Variants in MAGI1 observed in about 807,000 individuals in gnomAD.
MAGI1 encodes the protein membrane-associated guanylate kinase, WW and PDZ domain-containing protein 1.
Under a neutral mutation model 139.9 loss-of-function variants are expected in MAGI1, and 58 were observed. That is an observed-to-expected ratio of 0.41 (90% CI 0.34 to 0.52). The LOEUF (loss-of-function observed/expected upper bound fraction) is 0.52. Ranked by LOEUF, MAGI1 falls within the 20% of genes least tolerant of loss-of-function variation. The pLI is 0.12. For missense variants in MAGI1, 1,874 were observed against 1,901.6 expected, an observed-to-expected ratio of 0.99 and a Z score of 0.27; for synonymous variants, 812 against 737.9, an observed-to-expected ratio of 1.10 and a Z score of -1.63.
intron 1 of MAGI1, among the ~76,000 whole-genome samples, chr3:65,847,070 G>A (rs570057343): frequency 8.0e-5 from 12 of 150,202 alleles, no homozygotes; most frequent in South Asian, 4.2e-4. Context: ...CCTGAAGTTC[G>A]GTACTTATGA....
chr3:66,030,308 C>T (rs1430832660), intron 1 of MAGI1, among the ~76,000 whole-genome samples: 1 of 152,170 alleles, frequency 6.6e-6, no homozygotes, highest in African/African-American at 2.4e-5. Flanking sequence ...TATATATCTA[C>T]ATTTTCAGAG....
intron 1 of MAGI1, among the ~76,000 whole-genome samples, chr3:65,890,173 G>A (rs1413841337): frequency 6.6e-6 from 1 of 152,104 alleles, no homozygotes; most frequent in East Asian, 1.9e-4. Flanking sequence ...GACCATCCTG[G>A]CTAACACAGT....
At chr3:65,951,692 T>A (rs1214669630) in intron 1 of MAGI1, among the ~76,000 whole-genome samples, 1 of 152,240 alleles carries the variant, frequency 6.6e-6, no homozygotes, top group Non-Finnish European at 1.5e-5. Context: ...ATATTTCTAT[T>A]GGACAGAACA....
At chr3:65,824,842 A>AT (rs2042139109) in intron 1 of MAGI1, among the ~76,000 whole-genome samples, 2 of 152,008 alleles carry the variant, frequency 1.3e-5, no homozygotes, top group Non-Finnish European at 2.9e-5. Flanking sequence ...AAAATGTCAT[A>AT]TTTTTTTCTG....
intron 5 of MAGI1, among the ~76,000 whole-genome samples, chr3:65,459,643 C>G (rs904686152): frequency 6.6e-6 from 1 of 152,136 alleles, no homozygotes; most frequent in South Asian, 2.1e-4. Context: ...GAAATTCCAG[C>G]ATGATGTTGA....
chr3:65,514,142 T>G (rs1477386404), intron 2 of MAGI1, among the ~76,000 whole-genome samples: 1 of 150,588 alleles, frequency 6.6e-6, no homozygotes, highest in Non-Finnish European at 1.5e-5. Context: ...CCTTATACCT[T>G]ATACAAAAAT....
At position 65,813,134 on chromosome 3, in the gene MAGI1, G is replaced by C. The variant is rs148471347; in HGVS notation, c.314-191046C>G. On this transcript the variant is annotated intron_variant, in intron 1 of 22. Transcript: ENST00000402939. Reference sequence around the variant, plus strand: ...CGAAACCATCTTCATTCTTCTGAAAGAATCCAAAAGGAGTGAGAGGTGAAC... The same window carrying C: ...CGAAACCATCTTCATTCTTCTGAAACAATCCAAAAGGAGTGAGAGGTGAAC... 1.4e-4 allele frequency among the ~76,000 whole-genome samples: 22 copies of C among 152,104 alleles called. No homozygotes were observed. The East Asian group carries it at 4.3e-3, about 29-fold the overall frequency.
chr3:65,888,331 G>A (rs1354343747), intron 1 of MAGI1, among the ~76,000 whole-genome samples: 1 of 152,172 alleles, frequency 6.6e-6, no homozygotes, highest in Non-Finnish European at 1.5e-5. Context: ...GGAAGACTAT[G>A]TCTTTCATCT....
intron 1 of MAGI1, among the ~76,000 whole-genome samples, chr3:65,759,882 C>T (rs1343688571): frequency 1.3e-5 from 2 of 152,158 alleles, no homozygotes; most frequent in Non-Finnish European, 2.9e-5. Flanking sequence ...AATTAAGATT[C>T]GGGGCTCTAG....
At chr3:65,774,546 T>A (rs1484843944) in intron 1 of MAGI1, among the ~76,000 whole-genome samples, 1 of 152,194 alleles carries the variant, frequency 6.6e-6, no homozygotes, top group East Asian at 1.9e-4. Flanking sequence ...TTCCTTATAA[T>A]CCTGTTGGCT....
At chr3:65,767,909 T>C (rs1272866790) in intron 1 of MAGI1, among the ~76,000 whole-genome samples, 2 of 152,224 alleles carry the variant, frequency 1.3e-5, no homozygotes, top group Non-Finnish European at 2.9e-5. Context: ...ATTTCATTGT[T>C]CCTGGCTTAA....
chr3:65,449,555 ACC>A (rs1948893050), intron 6 of MAGI1, among the ~76,000 whole-genome samples: 1 of 152,064 alleles, frequency 6.6e-6, no homozygotes, highest in African/African-American at 2.4e-5. Context: ...TGGGTGGATC[ACC>A]TGAGGTTGGG....
Position 65,392,725 on chromosome 3 carries a change from T to C in MAGI1, c.2200-1367A>G, listed in dbSNP as rs186756905. Among the ~76,000 whole-genome samples the C allele has an allele frequency of 4.6e-5, 7 of 152,318 alleles. No individual in the cohort carries two copies. The East Asian group carries it at 1.3e-3, about 29-fold the overall frequency. The stretch of plus-strand genomic sequence containing the variant: ...CCTATACTTCCTCTCCTTCCAGTAA[T>C]TGCTTTGAAACAAGTATCTGAAGAA... On this transcript the variant is annotated intron_variant, in intron 13 of 22. Coordinates refer to ENST00000402939, the MANE Select transcript of MAGI1 (RefSeq NM_001033057.2).
At chr3:65,509,818 T>A (rs960199724) in intron 2 of MAGI1, among the ~76,000 whole-genome samples, 1 of 152,104 alleles carries the variant, frequency 6.6e-6, no homozygotes, top group East Asian at 1.9e-4. Context: ...CAAGGAGGCC[T>A]GCCTGCCTCT....
At chr3:65,466,475 T>C (rs747664554) in intron 5 of MAGI1, among the ~76,000 whole-genome samples, 1 of 152,118 alleles carries the variant, frequency 6.6e-6, no homozygotes, top group Non-Finnish European at 1.5e-5. Flanking sequence ...GGCTCCTTCT[T>C]ACCGCTGGGT....
At chr3:65,468,147 A>T (rs918851160) in intron 5 of MAGI1, among the ~76,000 whole-genome samples, 1 of 152,188 alleles carries the variant, frequency 6.6e-6, no homozygotes, top group African/African-American at 2.4e-5. Context: ...TAACTTGTAA[A>T]TGATGGAAAC....
intron 1 of MAGI1, among the ~76,000 whole-genome samples, chr3:65,993,338 G>C (rs911709949): frequency 2.6e-5 from 4 of 152,092 alleles, no homozygotes; most frequent in African/African-American, 9.7e-5. Flanking sequence ...TATTCCACAG[G>C]GTGTGGACCT....
chr3:65,937,914 A>AT (rs1260576259), intron 1 of MAGI1, among the ~76,000 whole-genome samples: 1 of 152,124 alleles, frequency 6.6e-6, no homozygotes, highest in Non-Finnish European at 1.5e-5. Context: ...TATGGCATTT[A>AT]TTTTTTTAAT....
At chr3:65,562,948 A>G (rs1002518908) in intron 2 of MAGI1, among the ~76,000 whole-genome samples, 1 of 152,202 alleles carries the variant, frequency 6.6e-6, no homozygotes, top group African/African-American at 2.4e-5. Flanking sequence ...AGTATCTTTC[A>G]TGATATAAAC....
Sources: allele counts gnomAD v4.1 joint callset (sites outside exome capture counted in the v4.1 genomes callset), GRCh38; gene constraint gnomAD v4.1.1; transcripts MANE v1.5; gene names NCBI Gene and HGNC (gene_info 2026-07-23, HGNC 2026-07-21).